CIRSR: variants seen among roughly 807,000 people sequenced by gnomAD.
The protein encoded by CIRSR is corepressor of RBPJ and splicing regulator.
chr2:174,374,044 A>G, the CIRSR span, among the ~76,000 whole-genome samples: 1 of 152,194 alleles, frequency 6.6e-6, no homozygotes, highest in African/African-American at 2.4e-5. Flanking sequence ...GGGCTTGGGA[A>G]CCAACATTTA....
the CIRSR span, chr2:174,348,919 C>A: frequency 4.2e-5 from 67 of 1,614,074 alleles, no homozygotes; most frequent in African/African-American, 5.7e-4. Flanking sequence ...TTAGACTTGT[C>A]CTTCTCTTCA....
At chr2:174,395,439 G>A in the CIRSR span, 2 of 1,064,776 alleles carry the variant, frequency 1.9e-6, no homozygotes, top group Non-Finnish European at 2.9e-6. Context: ...TTTAGGCCTA[G>A]AGAAGCGGAG....
the CIRSR span, chr2:174,351,788 C>T: frequency 7.1e-6 from 9 of 1,267,744 alleles, no homozygotes; most frequent in Middle Eastern, 5.7e-4. Context: ...TCGGACTCCA[C>T]AGTAGGAATG....
chr2:174,390,033 T>C, the CIRSR span, among the ~76,000 whole-genome samples: 1 of 152,182 alleles, frequency 6.6e-6, no homozygotes, highest in East Asian at 1.9e-4. Context: ...AAGGGAAATG[T>C]GGGGTCGGAG....
the CIRSR span, among the ~76,000 whole-genome samples, chr2:174,375,909 A>C: frequency 6.6e-6 from 1 of 152,180 alleles, no homozygotes; most frequent in Middle Eastern, 3.2e-3. Context: ...CCTGGGCTGG[A>C]GCACAGTGGT....
At chr2:174,380,196 A>C in the CIRSR span, 1 of 1,580,888 alleles carries the variant, frequency 6.3e-7, no homozygotes, top group Non-Finnish European at 8.6e-7. Flanking sequence ...AATATGTGTC[A>C]CTTGCCTGAA....
the CIRSR span, among the ~76,000 whole-genome samples, chr2:174,374,653 G>A: frequency 6.6e-6 from 1 of 152,202 alleles, no homozygotes; most frequent in African/African-American, 2.4e-5. Flanking sequence ...TACGTATGGA[G>A]CTACAAAGAT....
chr2:174,387,728 ATTC>A, the CIRSR span: 16 of 1,598,318 alleles, frequency 1.0e-5, no homozygotes, highest in Non-Finnish European at 1.4e-5. Context: ...TGCTGCATCA[ATTC>A]TTCTTGTTTC....
chr2:174,381,679 AAAAG>A, the CIRSR span: 1 of 1,560,196 alleles, frequency 6.4e-7, no homozygotes, highest in Non-Finnish European at 8.7e-7. Context: ...AAGAAAGAAA[AAAAG>A]AAACGGAAGA....
At chr2:174,380,344 A>C in the CIRSR span, 1,225 of 863,304 alleles carry the variant, frequency 1.4e-3, 28 homozygotes, top group East Asian at 0.023. Flanking sequence ...CAGTTCTAAG[A>C]ACATTATGAA....
chr2:174,360,680 T>C, the CIRSR span, among the ~76,000 whole-genome samples: 1 of 152,174 alleles, frequency 6.6e-6, no homozygotes, highest in East Asian at 1.9e-4. Context: ...GAGGTGTAGC[T>C]TCCACTAGTA....
chr2:174,350,308 A>G, the CIRSR span, among the ~76,000 whole-genome samples: 1 of 152,214 alleles, frequency 6.6e-6, no homozygotes, highest in African/African-American at 2.4e-5. Context: ...TTCTCATAAA[A>G]TTTTACAAAA....
At chr2:174,378,961 G>A in the CIRSR span, 1 of 1,613,582 alleles carries the variant, frequency 6.2e-7, no homozygotes, top group African/African-American at 1.3e-5. Flanking sequence ...ATTGATTCCA[G>A]AAAGACCAAA....
the CIRSR span, among the ~76,000 whole-genome samples, chr2:174,386,149 T>A: frequency 2.6e-5 from 4 of 152,182 alleles, no homozygotes; most frequent in Non-Finnish European, 2.9e-5. Context: ...TCCAATATGT[T>A]TTTACTATTA....
At chr2:174,363,746 A>C in the CIRSR span, among the ~76,000 whole-genome samples, 1 of 152,154 alleles carries the variant, frequency 6.6e-6, no homozygotes, top group Non-Finnish European at 1.5e-5. Flanking sequence ...CTCTTTTTAA[A>C]ACCATCGGAT....
At chr2:174,395,345 G>A in the CIRSR span, among the ~76,000 whole-genome samples, 1 of 152,150 alleles carries the variant, frequency 6.6e-6, no homozygotes, top group African/African-American at 2.4e-5. Context: ...CTAGGCCACC[G>A]GTCTCCTCGC....
At chr2:174,380,859 T>G in the CIRSR span, 1 of 1,495,494 alleles carries the variant, frequency 6.7e-7, no homozygotes, top group Non-Finnish European at 9.2e-7. Context: ...GTATGACAAG[T>G]TAAAAACTTC....
the CIRSR span, among the ~76,000 whole-genome samples, chr2:174,371,406 A>G: frequency 2.0e-5 from 3 of 152,240 alleles, no homozygotes; most frequent in African/African-American, 7.2e-5. Context: ...AGTCAATGAT[A>G]AGAATAAGGG....
chr2:174,354,484 T>G, the CIRSR span, among the ~76,000 whole-genome samples: 1 of 73,562 alleles, frequency 1.4e-5, no homozygotes, highest in African/African-American at 4.8e-5. Flanking sequence ...TAATATATAT[T>G]ATATTATATA....
Sources: gnomAD v4.1 joint callset for allele counts (sites outside exome capture counted in the v4.1 genomes callset) on GRCh38, gnomAD v4.1.1 for gene constraint, MANE v1.5 for transcripts, NCBI Gene and HGNC (gene_info 2026-07-23, HGNC 2026-07-21) for gene names.